The following RYR2 variants were observed in gnomAD, a reference collection of about 807,000 sequenced individuals.
The protein encoded by RYR2 is ryanodine receptor 2.
In RYR2, 227 loss-of-function variants were observed where a neutral mutation model predicts 601.1. The ratio of observed to expected loss-of-function variants is 0.38; its 90% CI spans 0.34 to 0.42. The LOEUF is 0.42. RYR2 is among the 10% of genes least tolerant of loss of function. The probability of loss-of-function intolerance (pLI) is 1.00; values close to 1 mark genes in which losing one functional copy is unlikely to be tolerated. For missense variants in RYR2, 4,646 were observed against 6,156.5 expected (o/e 0.75, Z 8.21); for synonymous variants, 2,223 against 2,175.1 (o/e 1.02, Z -0.61).
chr1:237,610,756 C>A lies in RYR2; in HGVS notation c.4684-6C>A. ...TTTATTCTTTTTCTGCCTCCCCATCCGCTAGAATGTGATGCCTCTCTCGGC... is the reference window on the plus strand; with the variant it reads ...TTTATTCTTTTTCTGCCTCCCCATCAGCTAGAATGTGATGCCTCTCTCGGC... On this transcript the variant is annotated splice_region_variant and splice_polypyrimidine_tract_variant and intron_variant, in intron 35 of 104. Coordinates refer to ENST00000366574, the MANE Select transcript of RYR2 (RefSeq NM_001035.3). The surrounding 1 kb of genome is among the most constrained non-coding windows in gnomAD (Gnocchi z 4.9). 1 of 1,590,220 alleles carries A rather than the reference C, an allele frequency of 6.3e-7. No homozygotes were observed. Among genetic ancestry groups the A allele is most frequent in the Non-Finnish European group, 8.6e-7 (1 of 1,167,400 alleles).
intron 2 of RYR2, among the ~76,000 whole-genome samples, chr1:237,292,008 A>G (rs1378260748): frequency 6.6e-6 from 1 of 152,212 alleles, no homozygotes; most frequent in African/African-American, 2.4e-5. Context: ...GAAGCCGTGC[A>G]TGTGTAGGGG....
At chr1:237,309,775 G>T (rs143849250) in intron 2 of RYR2, among the ~76,000 whole-genome samples, 7,372 of 152,256 alleles carry the variant, frequency 0.048, 351 homozygotes, top group African/African-American at 0.12. Context: ...CTGCCCTGCG[G>T]GGAGGCAGCT....
At chr1:237,357,840 C>G (rs1485646999) in intron 4 of RYR2, among the ~76,000 whole-genome samples, 1 of 152,138 alleles carries the variant, frequency 6.6e-6, no homozygotes, top group Non-Finnish European at 1.5e-5. Context: ...ACTATCATGT[C>G]AGTGCTAAAA....
At chr1:237,271,391 A>G (rs1225513708) in intron 2 of RYR2, among the ~76,000 whole-genome samples, 2 of 152,220 alleles carry the variant, frequency 1.3e-5, no homozygotes, top group African/African-American at 2.4e-5. Context: ...GCAGAAATAT[A>G]AACACTTAAT....
chr1:237,827,627 C>CAAAAA (rs55896893), intron 101 of RYR2, among the ~76,000 whole-genome samples: 12 of 79,410 alleles, frequency 1.5e-4, no homozygotes, highest in African/African-American at 3.0e-4. Flanking sequence ...AAGACTGTCT[C>CAAAAA]AAAAAAAAAA....
chr1:237,083,414 G>A (rs529475429), intron 1 of RYR2, among the ~76,000 whole-genome samples: 43 of 152,186 alleles, frequency 2.8e-4, no homozygotes, highest in African/African-American at 1.0e-3. Context: ...CCTTTCACTC[G>A]GGGATCTCAT....
chr1:237,684,106 T>A lies in RYR2; in HGVS notation c.9018-3349T>A, dbSNP rs572433722. Among the ~76,000 whole-genome samples, 39 of 151,538 alleles carry A rather than the reference T, an allele frequency of 2.6e-4. No individual in the cohort carries two copies. In the South Asian group the frequency reaches 7.1e-3, roughly 28 times the overall value. On this transcript the variant is annotated intron_variant, in intron 62 of 104. Coordinates refer to ENST00000366574, the MANE Select transcript of RYR2 (RefSeq NM_001035.3). ...CCATGCCCGGCTAATTTTTTTTTTT[T>A]ATTATTTTTAGTAGAGATAGGGTTT...
intron 97 of RYR2, among the ~76,000 whole-genome samples, chr1:237,798,551 A>G (rs1230950134): frequency 9.9e-5 from 15 of 152,202 alleles, no homozygotes; most frequent in Non-Finnish European, 1.9e-4. Flanking sequence ...GTTTTGGAAA[A>G]GGGAACTATG....
intron 1 of RYR2, among the ~76,000 whole-genome samples, chr1:237,044,145 GTAATA>G (rs1660264905): frequency 1.3e-5 from 2 of 151,538 alleles, no homozygotes; most frequent in African/African-American, 4.9e-5. Flanking sequence ...AAACCTGCTA[GTAATA>G]CAGTTGTCTT....
chr1:237,538,400 A>C (rs1668887058), intron 25 of RYR2, among the ~76,000 whole-genome samples: 1 of 102,016 alleles, frequency 9.8e-6, no homozygotes, highest in Non-Finnish European at 2.1e-5. Context: ...GTCTCAAAAA[A>C]AAAAAAAAAA....
intron 29 of RYR2, among the ~76,000 whole-genome samples, chr1:237,577,549 T>TGTG (rs1673393552): frequency 4.2e-5 from 2 of 47,612 alleles, no homozygotes; most frequent in Non-Finnish European, 5.3e-5. Flanking sequence ...TGTGTGTGTG[T>TGTG]TTGAGAGAGA....
At chr1:237,744,943 C>G (rs1038042201) in intron 80 of RYR2, among the ~76,000 whole-genome samples, 2 of 151,434 alleles carry the variant, frequency 1.3e-5, no homozygotes, top group African/African-American at 2.4e-5. Context: ...ACTACAGTGG[C>G]GCGCCACCAC....
At chr1:237,523,454 G>A (rs1667280805) in intron 24 of RYR2, among the ~76,000 whole-genome samples, 1 of 152,160 alleles carries the variant, frequency 6.6e-6, no homozygotes, top group Admixed American at 6.5e-5. Flanking sequence ...TGGCAAAACA[G>A]CTGGGCATGG....
chr1:237,658,607 G>T (rs924678976), intron 54 of RYR2, among the ~76,000 whole-genome samples: 1 of 152,062 alleles, frequency 6.6e-6, no homozygotes, highest in Admixed American at 6.6e-5. Flanking sequence ...TGCCCAGGCT[G>T]GTCTCCAACT....
intron 7 of RYR2, among the ~76,000 whole-genome samples, chr1:237,377,094 A>G (rs1314621005): frequency 6.6e-6 from 1 of 152,240 alleles, no homozygotes; most frequent in Admixed American, 6.5e-5. Flanking sequence ...AGCAATTCTT[A>G]GTGGAAGAAA....
rs1440224644 is a variant in RYR2 at position 237,655,920 on chromosome 1, A to G, written c.8065A>G (p.Met2689Val). The G allele has an allele frequency of 5.6e-6, 9 of 1,613,040 alleles. No individual in the cohort carries two copies. Among genetic ancestry groups the G allele is most frequent in the Non-Finnish European group, 7.6e-6 (9 of 1,179,492 alleles). The stretch of plus-strand genomic sequence containing the variant: ...CATGGAGTCAAATTATGTCAGTATG[A>G]TGGAAAAACAGTCATCAATGGATTC... ...DYMESNYVSMMEKQSSMDSEG... is the reference protein window; with the variant it reads ...DYMESNYVSMVEKQSSMDSEG... Residue 2689 changes from methionine to valine, a missense_variant, in exon 53 of 105, where the codon ATG becomes GTG. Met to Val is a conservative substitution (Grantham distance 21, BLOSUM62 1). Coordinates refer to ENST00000366574, the MANE Select transcript of RYR2 (RefSeq NM_001035.3).
intron 25 of RYR2, among the ~76,000 whole-genome samples, chr1:237,546,217 CA>C (rs1669788836): frequency 1.3e-5 from 2 of 151,896 alleles, no homozygotes; most frequent in African/African-American, 4.8e-5. Context: ...TAAAATGGAA[CA>C]AAATTTAATG....
At chr1:237,707,817 G>T (rs531525998) in intron 68 of RYR2, among the ~76,000 whole-genome samples, 1 of 152,216 alleles carries the variant, frequency 6.6e-6, no homozygotes, top group Admixed American at 6.5e-5. Flanking sequence ...TGTTGCCCAG[G>T]CAAGAGTGCA....
intron 2 of RYR2, among the ~76,000 whole-genome samples, chr1:237,329,369 C>T (rs1311241080): frequency 2.0e-5 from 3 of 151,902 alleles, no homozygotes; most frequent in African/African-American, 2.4e-5. Flanking sequence ...AGGCCTGGCG[C>T]GGTGGCTCAT....
Sources: allele counts gnomAD v4.1 joint callset (sites outside exome capture counted in the v4.1 genomes callset), GRCh38; gene constraint gnomAD v4.1.1; non-coding constraint Gnocchi (gnomAD v3.1); transcripts MANE v1.5; gene names NCBI Gene and HGNC (gene_info 2026-07-23, HGNC 2026-07-21).